CD1B: variants seen among roughly 807,000 people sequenced by gnomAD.
CD1B encodes the protein CD1b molecule, also known as T-cell surface glycoprotein CD1b.
In CD1B, 43 loss-of-function variants were observed where a neutral mutation model predicts 39.8. That is an observed-to-expected ratio of 1.08 (90% CI 0.85 to 1.39). The LOEUF (loss-of-function observed/expected upper bound fraction) is 1.39. Among genes scored for constraint, CD1B ranks in the 40% most tolerant of loss-of-function variants. The pLI is 0.00. For missense variants in CD1B, 495 were observed against 403.8 expected, an observed-to-expected ratio of 1.23 and a Z score of -1.94; for synonymous variants, 192 against 152.5, an observed-to-expected ratio of 1.26 and a Z score of -1.91.
intron 2 of CD1B, 76 bp downstream of exon 2, chr1:158,330,720 G>A (rs1557822703): frequency 7.1e-7 from 1 of 1,415,402 alleles, no homozygotes; most frequent in Non-Finnish European, 1.0e-6. Flanking sequence ...AGAAGCATCA[G>A]AGAGAGCAAC....
At chr1:158,327,107 TA>T (rs1652384231), downstream of CD1B, among the ~76,000 whole-genome samples, 1 of 152,168 alleles carries the variant, frequency 6.6e-6, no homozygotes, top group African/African-American at 2.4e-5. Flanking sequence ...CCTATAAAAT[TA>T]TTAATTAATG....
chr1:158,306,121 A>G, the CD1B span, among the ~76,000 whole-genome samples: 5 of 152,228 alleles, frequency 3.3e-5, no homozygotes, highest in South Asian at 2.1e-4. Flanking sequence ...GCTCCAATTA[A>G]AAGACACATA....
intron 3 of CD1B, 54 bp from the exon 4 acceptor site, chr1:158,329,702 T>C: frequency 6.3e-7 from 1 of 1,590,666 alleles, no homozygotes; most frequent in African/African-American, 1.3e-5. Context: ...GTTCAGAGGT[T>C]ATGAACTCAG....
At chr1:158,298,493 A>G in the CD1B span, among the ~76,000 whole-genome samples, 94 of 152,252 alleles carry the variant, frequency 6.2e-4, no homozygotes, top group African/African-American at 2.2e-3. Context: ...TTGTCTTGGC[A>G]ATGTGGGCTC....
the CD1B span, among the ~76,000 whole-genome samples, chr1:158,317,478 A>T: frequency 6.6e-6 from 1 of 152,098 alleles, no homozygotes; most frequent in Non-Finnish European, 1.5e-5. Flanking sequence ...CTCTGATGGT[A>T]GTTTGTATTT....
the CD1B span, among the ~76,000 whole-genome samples, chr1:158,320,338 A>G: frequency 6.6e-5 from 10 of 152,206 alleles, no homozygotes; most frequent in African/African-American, 1.9e-4. Context: ...CCTCCGAAGC[A>G]GGTGTGGGAT....
chr1:158,308,155 AT>A, the CD1B span, among the ~76,000 whole-genome samples: 1 of 152,216 alleles, frequency 6.6e-6, no homozygotes, highest in African/African-American at 2.4e-5. Context: ...TACAAAGTCA[AT>A]GTGCAAAAAT....
chr1:158,316,826 C>G, the CD1B span, among the ~76,000 whole-genome samples: 1 of 151,820 alleles, frequency 6.6e-6, no homozygotes, highest in South Asian at 2.1e-4. Flanking sequence ...TTTTGAAATA[C>G]GTCCCATCAA....
At chr1:158,319,391 CT>C in the CD1B span, among the ~76,000 whole-genome samples, 1 of 152,224 alleles carries the variant, frequency 6.6e-6, no homozygotes, top group East Asian at 1.9e-4. Flanking sequence ...CTAAACTTCC[CT>C]TCTCACTTCA....
chr1:158,298,467 T>C, the CD1B span, among the ~76,000 whole-genome samples: 1 of 152,236 alleles, frequency 6.6e-6, no homozygotes, highest in Admixed American at 6.5e-5. Flanking sequence ...TCCAGCTTTG[T>C]TCCTTTTGCT....
chr1:158,325,531 A>T (rs1652321667), downstream of CD1B, among the ~76,000 whole-genome samples: 1 of 152,200 alleles, frequency 6.6e-6, no homozygotes, highest in Non-Finnish European at 1.5e-5. Flanking sequence ...ATTTTTGTTG[A>T]TATGTAATCC....
At chr1:158,309,995 G>T in the CD1B span, among the ~76,000 whole-genome samples, 3 of 141,246 alleles carry the variant, frequency 2.1e-5, no homozygotes, top group South Asian at 6.7e-4. Context: ...AAAAAAAAAA[G>T]AGTCTGAACA....
the CD1B span, among the ~76,000 whole-genome samples, chr1:158,299,019 C>A: frequency 1.3e-5 from 2 of 152,132 alleles, no homozygotes; most frequent in Admixed American, 1.3e-4. Context: ...CTTTCTCTTG[C>A]CTGATTGCCC....
chr1:158,307,908 C>T, the CD1B span, among the ~76,000 whole-genome samples: 1 of 152,234 alleles, frequency 6.6e-6, no homozygotes, highest in East Asian at 1.9e-4. Context: ...GGAAGCATTC[C>T]CTTGGAAAAC....
chr1:158,330,152 C>A, intron 2 of CD1B, 22 bp from the exon 3 acceptor site: 1 of 1,562,362 alleles, frequency 6.4e-7, no homozygotes, highest in Non-Finnish European at 8.6e-7. Flanking sequence ...GAAAAGAGAG[C>A]AAGTTATTAA....
At chr1:158,295,267 G>A in the CD1B span, among the ~76,000 whole-genome samples, 1 of 152,054 alleles carries the variant, frequency 6.6e-6, no homozygotes, top group Admixed American at 6.5e-5. Context: ...GAGGGAGAAT[G>A]CAGACCCTGG....
At chr1:158,286,273 G>A in the CD1B span, among the ~76,000 whole-genome samples, 2 of 152,132 alleles carry the variant, frequency 1.3e-5, no homozygotes, top group Non-Finnish European at 2.9e-5. Context: ...TGTGTGTTCA[G>A]AGAGCTTAAT....
chr1:158,311,948 C>A, the CD1B span, among the ~76,000 whole-genome samples: 1 of 152,052 alleles, frequency 6.6e-6, no homozygotes, highest in African/African-American at 2.4e-5. Context: ...CAGATTTGCC[C>A]TTTTTGCTCA....
the CD1B span, chr1:158,292,832 A>C: frequency 1.2e-3 from 1,969 of 1,614,148 alleles, 3 homozygotes; most frequent in South Asian, 1.7e-3. Context: ...TTGTCGAGTG[A>C]GACACAGCAG....
Sources: allele counts gnomAD v4.1 joint callset (sites outside exome capture counted in the v4.1 genomes callset), GRCh38; gene constraint gnomAD v4.1.1; transcripts MANE v1.5; gene names NCBI Gene and HGNC (gene_info 2026-07-23, HGNC 2026-07-21).